VPS54: variants seen among roughly 807,000 people sequenced by gnomAD.
VPS54 encodes VPS54 subunit of GARP complex, also known as vacuolar protein sorting-associated protein 54.
VPS54 carries 45 observed loss-of-function variants against 121.5 expected under a neutral mutation model. The ratio of observed to expected loss-of-function variants is 0.37; its 90% CI spans 0.29 to 0.47. The LOEUF (loss-of-function observed/expected upper bound fraction) is 0.47. Ranked by LOEUF, VPS54 falls within the 20% of genes least tolerant of loss-of-function variation. The pLI is 0.99. For missense variants in VPS54, 1,090 were observed against 1,131.4 expected, an observed-to-expected ratio of 0.96 and a Z score of 0.52; for synonymous variants, 371 against 385.8, an observed-to-expected ratio of 0.96 and a Z score of 0.45.
chr2:63,914,461 C>T (rs747427719), intron 16 of VPS54, among the ~76,000 whole-genome samples, 174 bp from the exon 17 acceptor site: 4 of 152,160 alleles, frequency 2.6e-5, no homozygotes. Context: ...TCTTGACTAA[C>T]ACAAGACAAG....
In VPS54 at chr2:63,962,386, A is replaced by G. The variant is rs753252696; in HGVS notation, c.682T>C (p.Ser228Pro). The part of the protein sequence containing the change: ...VNIAHQISLR[S>P]EAFFHAMTSQ... ...GTCATTGCATGAAAAAATGCTTCTG[A>G]ACGTAGAGAGATCTGGTGAGCAATG... The change falls in exon 7 of 23, where the codon TCA (serine) becomes CCA (proline). Residue 228 changes from serine (S) to proline (P), a missense_variant. Physicochemically the swap from Ser to Pro is moderately conservative, Grantham distance 74 (BLOSUM62 -1). Coordinates refer to ENST00000272322, the MANE Select transcript of VPS54 (RefSeq NM_016516.3). The G allele has an allele frequency of 1.9e-6, 3 of 1,613,816 alleles. No homozygotes were observed. In the African/African-American group the frequency reaches 4.0e-5, roughly 22 times the overall value.
intron 11 of VPS54, among the ~76,000 whole-genome samples, chr2:63,937,521 C>A (rs1403199660): frequency 2.0e-5 from 3 of 152,140 alleles, no homozygotes; most frequent in Non-Finnish European, 2.9e-5. Context: ...TGCAGAAAAA[C>A]TGAAACCCTG....
intron 15 of VPS54, among the ~76,000 whole-genome samples, chr2:63,918,421 T>C (rs939462427): frequency 2.0e-5 from 3 of 151,946 alleles, no homozygotes; most frequent in African/African-American, 7.2e-5. Context: ...CAATTAAATA[T>C]AGCTTGAAAG....
At chr2:63,994,130 T>C (rs898566312) in intron 1 of VPS54, among the ~76,000 whole-genome samples, 2 of 152,108 alleles carry the variant, frequency 1.3e-5, no homozygotes, top group East Asian at 3.9e-4. Flanking sequence ...TGGGTCTCAT[T>C]CAATCCTCCC....
At chr2:63,921,583 A>G (rs1250166401) in intron 12 of VPS54, among the ~76,000 whole-genome samples, 1 of 152,174 alleles carries the variant, frequency 6.6e-6, no homozygotes, top group Non-Finnish European at 1.5e-5. Context: ...GCTGGAGTGC[A>G]GTGGCACATT....
intron 7 of VPS54, among the ~76,000 whole-genome samples, chr2:63,954,142 C>T (rs1171641796): frequency 6.6e-6 from 1 of 152,054 alleles, no homozygotes; most frequent in African/African-American, 2.4e-5. Context: ...AAGTAGGGCT[C>T]CCTAGACAAA....
At chr2:64,003,783 CTTT>C (rs1167048414) in intron 1 of VPS54, among the ~76,000 whole-genome samples, 3 of 152,194 alleles carry the variant, frequency 2.0e-5, no homozygotes, top group African/African-American at 7.2e-5. Context: ...CTCAAAATAT[CTTT>C]TTATGTTCAG....
In VPS54 at chr2:63,910,480, G is replaced by T. The variant is rs191341448; in HGVS notation, c.2625+1865C>A. Reference sequence around the variant, plus strand: ...AAATTATTATAAAAAGACATTTTTGGGACAATTAATAAGTTTCAAATAGGA... The same window carrying T: ...AAATTATTATAAAAAGACATTTTTGTGACAATTAATAAGTTTCAAATAGGA... On this transcript the variant is annotated intron_variant, in intron 20 of 22. Coordinates refer to ENST00000272322, the MANE Select transcript of VPS54 (RefSeq NM_016516.3). Among the ~76,000 whole-genome samples, 318 of 152,138 alleles carry T rather than the reference G, an allele frequency of 2.1e-3. 1 individual carries two copies. Among genetic ancestry groups the T allele is most frequent in the South Asian group, 0.012 (56 of 4,816 alleles).
At chr2:64,005,088 TC>T (rs1678063205) in intron 1 of VPS54, among the ~76,000 whole-genome samples, 9 of 124,030 alleles carry the variant, frequency 7.3e-5, no homozygotes, top group African/African-American at 1.3e-4. Flanking sequence ...TACTATTGCT[TC>T]TTTTTTTTTT....
intron 14 of VPS54, 73 bp from the exon 15 acceptor site, chr2:63,920,068 GGAA>G (rs1383860936): frequency 1.2e-5 from 15 of 1,294,968 alleles, no homozygotes; most frequent in Non-Finnish European, 1.5e-5. Context: ...TAAAAGAAAA[GGAA>G]GAAGAGCTGA....
intron 3 of VPS54, among the ~76,000 whole-genome samples, chr2:63,976,009 C>A (rs66476638): frequency 6.6e-6 from 1 of 152,034 alleles, no homozygotes; most frequent in Non-Finnish European, 1.5e-5. Flanking sequence ...GGATTACAGG[C>A]GTGAGCCGAC....
chr2:63,979,601 A>G (rs1676709684), intron 3 of VPS54, among the ~76,000 whole-genome samples: 1 of 152,158 alleles, frequency 6.6e-6, no homozygotes, highest in South Asian at 2.1e-4. Context: ...TCTTCTTTCA[A>G]TAATATATGC....
chr2:63,955,048 CATT>C (rs1435226631), intron 7 of VPS54, among the ~76,000 whole-genome samples: 2 of 151,840 alleles, frequency 1.3e-5, no homozygotes, highest in Non-Finnish European at 2.9e-5. Flanking sequence ...ATATAAATGA[CATT>C]AGAGTTATAT....
At chr2:63,952,490 C>A (rs1675298736) in intron 7 of VPS54, among the ~76,000 whole-genome samples, 1 of 152,018 alleles carries the variant, frequency 6.6e-6, no homozygotes, top group African/African-American at 2.4e-5. Flanking sequence ...TTAATACTGG[C>A]AACTATATTT....
At chr2:63,975,573 T>G (rs1393080587) in intron 3 of VPS54, 1 of 152,534 alleles carries the variant, frequency 6.6e-6, no homozygotes, top group Non-Finnish European at 1.5e-5. Context: ...ACTGCCTCAT[T>G]TGATCTTGTT....
At chr2:63,925,960 A>G (rs1575915977) in intron 12 of VPS54, among the ~76,000 whole-genome samples, 1 of 152,346 alleles carries the variant, frequency 6.6e-6, no homozygotes, top group African/African-American at 2.4e-5. Flanking sequence ...ACATTTTCCC[A>G]TATGTGCCTT....
chr2:63,962,280 T>A lies in VPS54; in HGVS notation c.788A>T (p.Asp263Val). 6.2e-7 allele frequency: 1 copy of A among 1,614,104 alleles called. No homozygotes were observed. The highest frequency in any genetic ancestry group is 8.5e-7 in the Non-Finnish European group (1 of 1,179,956). Residue 263 changes from aspartate (D) to valine (V), a missense_variant, in exon 7 of 23, where the codon GAT becomes GTT. Physicochemically the swap from Asp to Val is radical, Grantham distance 152. Around this residue, in one of 2 missense-constraint regions of VPS54, gnomAD observed 801 missense variants for 757.0 expected, o/e 1.06. Coordinates refer to ENST00000272322, the MANE Select transcript of VPS54 (RefSeq NM_016516.3). ...KMLRDKIAQI[D>V]KVMCEGSLHI... ...GAGTGATCCTTCACACATTACTTTATCAATCTGTGCAATTTTATCTCGAAG... is the reference window on the plus strand; with the variant it reads ...GAGTGATCCTTCACACATTACTTTAACAATCTGTGCAATTTTATCTCGAAG...
At chr2:63,981,311 A>T (rs1676789510) in intron 3 of VPS54, among the ~76,000 whole-genome samples, 1 of 152,116 alleles carries the variant, frequency 6.6e-6, no homozygotes, top group South Asian at 2.1e-4. Context: ...AGACACAGAA[A>T]CAGTAATATT....
At chr2:63,904,971 C>A (rs1190608595) in intron 20 of VPS54, among the ~76,000 whole-genome samples, 2 of 151,946 alleles carry the variant, frequency 1.3e-5, no homozygotes, top group South Asian at 4.1e-4. Flanking sequence ...AGAAGAATCA[C>A]AAGAGCAATT....
Sources: allele counts gnomAD v4.1 joint callset (sites outside exome capture counted in the v4.1 genomes callset), GRCh38; gene constraint gnomAD v4.1.1; regional missense constraint gnomAD v4.1.1; transcripts MANE v1.5; gene names NCBI Gene and HGNC (gene_info 2026-07-23, HGNC 2026-07-21).